The following COL18A1 variants were observed in gnomAD, a reference collection of about 807,000 sequenced individuals.
COL18A1 encodes collagen type XVIII alpha 1 chain.
Under a neutral mutation model 168.0 loss-of-function variants are expected in COL18A1, and 133 were observed. The ratio of observed to expected loss-of-function variants is 0.79; its 90% confidence interval spans 0.69 to 0.91. The LOEUF is 0.91. Among genes scored for constraint, COL18A1 ranks in the 40% least tolerant of loss-of-function variants. COL18A1 has a pLI of 0.00. For missense variants in COL18A1, 2,126 were observed against 1,925.4 expected, an observed-to-expected ratio of 1.10 and a Z score of -1.95; for synonymous variants, 949 against 809.0, an observed-to-expected ratio of 1.17 and a Z score of -2.94.
At chr21:45,441,390 A>G (rs972155055) in intron 2 of COL18A1, among the ~76,000 whole-genome samples, 1 of 152,288 alleles carries the variant, frequency 6.6e-6, no homozygotes, top group South Asian at 2.1e-4. Flanking sequence ...GCCCAGGTAG[A>G]GTTTTCCTGT....
intron 15 of COL18A1, among the ~76,000 whole-genome samples, chr21:45,484,678 C>T (rs1462791967): frequency 6.6e-6 from 1 of 151,430 alleles, no homozygotes; most frequent in Non-Finnish European, 1.5e-5. Context: ...ACACATGTAT[C>T]TAGGTATGTG....
In COL18A1 at chr21:45,477,953, G is replaced by C. The variant is rs1332436738; in HGVS notation, c.1209G>C (p.Arg403Ser). The change falls in exon 8 of 42, where the codon AGG becomes AGC. Residue 403 changes from arginine (R) to serine (S), a missense_variant. Coordinates refer to ENST00000651438, the MANE Select transcript of COL18A1 (RefSeq NM_001379500.1). ...GPPGRDGTPG[R>S]DGEPGDPGED... ...CGGGGAGGGACGGCACCCCTGGAAG[G>C]GACGGCGAGCCGGTGAGTCCTCACG... The C allele has an allele frequency of 5.9e-6, 9 of 1,532,824 alleles. No homozygotes were observed. The highest frequency in any genetic ancestry group is 8.0e-6 in the Non-Finnish European group (9 of 1,129,398). The allele number at this position is 1,532,824 out of a possible 1,614,324, so 95.0% of individuals were successfully genotyped here.
chr21:45,405,287 G>GCTGCGGGGCTGCGGGGGTC (rs1360298381), intron 1 of COL18A1, 46 bp downstream of exon 1: 103 of 432,136 alleles, frequency 2.4e-4, no homozygotes, highest in Middle Eastern at 2.1e-3. Context: ...CCAAGATGCG[G>GCTGCGGGGCTGCGGGGGTC]CTGCGGGGGT....
In COL18A1 at chr21:45,490,326, G is replaced by A. The variant is rs770391575; in HGVS notation, c.2011G>A (p.Glu671Lys). ...VPGFPGLPGR[E>K]GIAGPQGPKG... Reference sequence around the variant, plus strand: ...CGGGTTCCCCGGCCTCCCTGGCAGAGAGGGCATTGCTGGGCCCCAGGTGAG... The same window carrying A: ...CGGGTTCCCCGGCCTCCCTGGCAGAAAGGGCATTGCTGGGCCCCAGGTGAG... The change falls in exon 20 of 42, where the codon GAG (glutamate) becomes AAG (lysine). Residue 671 changes from glutamate (E) to lysine (K), a missense_variant. Coordinates refer to ENST00000651438, the MANE Select transcript of COL18A1 (RefSeq NM_001379500.1). 7 of 1,585,726 alleles carry A rather than the reference G, an allele frequency of 4.4e-6. No individual in the cohort carries two copies. The Admixed American group carries it at 5.4e-5, about 12-fold the overall frequency.
At chr21:45,496,325 G>C (rs781693585) in intron 29 of COL18A1, 175 bp from the exon 30 acceptor site, 2 of 717,526 alleles carry the variant, frequency 2.8e-6, no homozygotes, top group East Asian at 2.7e-5. Flanking sequence ...GCCGGGGCCA[G>C]TTCCTGTCCT....
rs375695180 is a variant in COL18A1, at chr21:45,490,298, C to A, written c.1983C>A (p.Val661=). Residue 661 remains valine, a synonymous_variant, in exon 20 of 42, where the codon GTC becomes GTA. Transcript: ENST00000651438. The part of the protein sequence containing the change: ...GAKGEVGADG[V]PGFPGLPGRE... ...AGGGAGAAGTTGGAGCAGATGGAGT[C>A]CCCGGGTTCCCCGGCCTCCCTGGCA... The A allele has an allele frequency of 4.7e-4, 752 of 1,586,704 alleles. No individual in the cohort carries two copies. Among genetic ancestry groups the A allele is most frequent in the Non-Finnish European group, 6.3e-4 (739 of 1,167,318 alleles).
intron 2 of COL18A1, chr21:45,456,651 G>A (rs1352247454): frequency 7.8e-6 from 12 of 1,535,606 alleles, no homozygotes; most frequent in South Asian, 1.2e-5. Flanking sequence ...CGGGCGTGGG[G>A]GGGCCTGCTG....
intron 2 of COL18A1, among the ~76,000 whole-genome samples, chr21:45,465,830 G>A (rs2035184847): frequency 6.6e-6 from 1 of 152,216 alleles, no homozygotes; most frequent in South Asian, 2.1e-4. Context: ...GAGTGCACGT[G>A]TCTGAGGGTC....
rs191076477 is a variant in COL18A1, at chr21:45,471,952, C to T, written c.652-1943C>T. Among the ~76,000 whole-genome samples, 11 of 152,216 alleles carry T rather than the reference C, an allele frequency of 7.2e-5. No individual in the cohort carries two copies. The highest frequency in any genetic ancestry group is 1.0e-4 in the Non-Finnish European group (7 of 67,992). On this transcript the variant is annotated intron_variant, in intron 3 of 41. Transcript: ENST00000651438. This position sits in a 1 kb window ranked among gnomAD's most constrained non-coding sequence, Gnocchi z 4.4. The stretch of plus-strand genomic sequence containing the variant: ...CCTCCTGCCCCACCCCCGGAGCCAG[C>T]GGCCACCACGGGCTCAGAGCTTCTC...
At chr21:45,465,669 G>C (rs944819551) in intron 2 of COL18A1, among the ~76,000 whole-genome samples, 2 of 152,152 alleles carry the variant, frequency 1.3e-5, no homozygotes, top group African/African-American at 4.8e-5. Flanking sequence ...GCTGGAGGGC[G>C]GGGGGCTGGC....
chr21:45,450,864 C>T (rs1345265512), intron 2 of COL18A1, among the ~76,000 whole-genome samples: 4 of 152,246 alleles, frequency 2.6e-5, no homozygotes, highest in Non-Finnish European at 2.9e-5. Context: ...CCGTGGCTGG[C>T]GTGGCAGTGG....
chr21:45,432,475 G>A (rs1481494067), intron 2 of COL18A1, among the ~76,000 whole-genome samples: 6 of 152,228 alleles, frequency 3.9e-5, no homozygotes, highest in Non-Finnish European at 5.9e-5. Flanking sequence ...TCAGCTGGAG[G>A]CTCTGCAGAC....
At chr21:45,429,595 A>C (rs1051029616) in intron 2 of COL18A1, among the ~76,000 whole-genome samples, 1 of 152,032 alleles carries the variant, frequency 6.6e-6, no homozygotes, top group African/African-American at 2.4e-5. Flanking sequence ...GGCTGGAGGC[A>C]TCTTCTAGTT....
In COL18A1 at chr21:45,504,491, T is replaced by C; in HGVS notation, c.2803T>C (p.Ser935Pro). Residue 935 changes from serine (S) to proline (P), a missense_variant, in exon 34 of 42, where the codon TCC becomes CCC. Coordinates refer to ENST00000651438, the MANE Select transcript of COL18A1 (RefSeq NM_001379500.1). Reference sequence around the variant, plus strand: ...GCCCGGGGGCGGCGGTTTCTTCGGCTCCAGCCTGCCCGGCCCCCCCGGCCC... The same window carrying C: ...GCCCGGGGGCGGCGGTTTCTTCGGCCCCAGCCTGCCCGGCCCCCCCGGCCC... ...GEPGGGGFFG[S>P]SLPGPPGPPG... 6.4e-7 allele frequency: 1 copy of C among 1,565,830 alleles called. No individual in the cohort carries two copies.
intron 2 of COL18A1, among the ~76,000 whole-genome samples, chr21:45,430,611 C>T (rs766634342): frequency 3.9e-5 from 6 of 152,110 alleles, no homozygotes; most frequent in South Asian, 2.1e-4. Flanking sequence ...GCTGATGGAG[C>T]GCGTGGGTGG....
In COL18A1 at chr21:45,492,530, G is replaced by C. The variant is rs1486854491; in HGVS notation, c.2158-5G>C. On this transcript the variant is annotated splice_region_variant and splice_polypyrimidine_tract_variant and intron_variant, in intron 22 of 41. Coordinates refer to ENST00000651438, the MANE Select transcript of COL18A1 (RefSeq NM_001379500.1). ...TTTCCGATTTTTCCTTTTGCTCGTG[G>C]ACAGGGATCCGTCCTGAGCGTGCCG... is the stretch of plus-strand genomic sequence containing the variant. The C allele has an allele frequency of 6.2e-7, 1 of 1,613,404 alleles. No homozygotes were observed.
chr21:45,458,686 C>T (rs1003872600), intron 2 of COL18A1, among the ~76,000 whole-genome samples: 2 of 152,200 alleles, frequency 1.3e-5, no homozygotes, highest in Non-Finnish European at 2.9e-5. Flanking sequence ...CCGGGAGGCT[C>T]CAGCACAGCC....
At chr21:45,415,191 C>T (rs1161549169) in intron 2 of COL18A1, among the ~76,000 whole-genome samples, 1 of 152,174 alleles carries the variant, frequency 6.6e-6, no homozygotes, top group Admixed American at 6.5e-5. Context: ...AAGGGCCTCT[C>T]ACCTGCGAAG....
chr21:45,455,550 G>A (rs779335371), intron 2 of COL18A1: 2 of 1,613,408 alleles, frequency 1.2e-6, no homozygotes, highest in East Asian at 2.2e-5. Context: ...TACCCCTGTG[G>A]CTGCCACATC....
Sources: gnomAD v4.1 joint callset for allele counts (sites outside exome capture counted in the v4.1 genomes callset) on GRCh38, gnomAD v4.1.1 for gene constraint, Gnocchi (gnomAD v3.1) non-coding constraint, MANE v1.5 for transcripts, NCBI Gene and HGNC (gene_info 2026-07-23, HGNC 2026-07-21) for gene names.